The following NAV1 variants were observed in gnomAD, a reference collection of about 807,000 sequenced individuals.
NAV1 encodes pore membrane and/or filament interacting like protein 3.
A neutral mutation model predicts 175.2 loss-of-function variants in NAV1; 18 were observed. The ratio of observed to expected loss-of-function variants is 0.10; its 90% confidence interval spans 0.07 to 0.15. The LOEUF is 0.15. Ranked by LOEUF, NAV1 falls within the 10% of genes least tolerant of loss-of-function variation. The pLI is 1.00. For missense variants in NAV1, 1,731 were observed against 2,436.6 expected (o/e 0.71, Z 6.10); for synonymous variants, 897 against 978.7 (o/e 0.92, Z 1.56).
chr1:201,593,098 G>A (rs73084514), intron 2 of NAV1, among the ~76,000 whole-genome samples: 5,027 of 152,276 alleles, frequency 0.033, 272 homozygotes, highest in African/African-American at 0.11. Context: ...TCTGGCAGGT[G>A]GAAGTTTTGA....
exon 30 of NAV1, chr1:201,822,980 C>G (rs1012342719): frequency 2.0e-5 from 3 of 152,660 alleles, no homozygotes; most frequent in Non-Finnish European, 4.4e-5. Context: ...CTACAGCATT[C>G]TCTCCCACCT....
chr1:201,672,037 C>T lies in NAV1; in HGVS notation c.757+22612C>T, dbSNP rs188157523. On this transcript the variant is annotated intron_variant, in intron 1 of 29. Transcript: ENST00000367296. ...CTCCTCTTTAGCCTGCCAAAGCTTT[C>T]CTCTCTCTTCTTCCTTCTCTACTTT... Among the ~76,000 whole-genome samples, 42 of 152,290 alleles carry T rather than the reference C, an allele frequency of 2.8e-4. No homozygotes were observed. In the East Asian group the frequency reaches 7.1e-3, roughly 26 times the overall value.
intron 7 of NAV1, among the ~76,000 whole-genome samples, chr1:201,784,238 A>G (rs60108808): frequency 0.14 from 21,516 of 152,104 alleles, 2,353 homozygotes; most frequent in African/African-American, 0.3. Flanking sequence ...GCTCACTGCA[A>G]TCTCTGCCTC....
intron 2 of NAV1, among the ~76,000 whole-genome samples, chr1:201,638,296 T>C (rs1031622284): frequency 6.6e-6 from 1 of 152,214 alleles, no homozygotes; most frequent in African/African-American, 2.4e-5. Flanking sequence ...GTCATGGGGC[T>C]GAGCTATGAA....
exon 5 of NAV1, chr1:201,781,242 C>G: frequency 1.2e-6 from 2 of 1,613,932 alleles, no homozygotes; most frequent in Non-Finnish European, 8.5e-7. Context: ...TGAAGAAGGG[C>G]AAGACCCCAC....
At chr1:201,602,091 C>A (rs867391092) in intron 2 of NAV1, among the ~76,000 whole-genome samples, 1 of 150,782 alleles carries the variant, frequency 6.6e-6, no homozygotes, top group African/African-American at 2.5e-5. Context: ...TTTTAAGGGT[C>A]TAAAATGAAA....
intron 3 of NAV1, among the ~76,000 whole-genome samples, chr1:201,720,194 C>A (rs1672321312): frequency 6.6e-6 from 1 of 152,190 alleles, no homozygotes; most frequent in South Asian, 2.1e-4. Flanking sequence ...CTGCTCCACA[C>A]AGCCTCTGCC....
intron 1 of NAV1, among the ~76,000 whole-genome samples, chr1:201,659,348 G>A (rs112592977): frequency 6.7e-4 from 102 of 152,334 alleles, no homozygotes; most frequent in African/African-American, 2.4e-3. Context: ...GAGCACAGTG[G>A]CTCACACCTG....
exon 1 of NAV1, chr1:201,648,360 T>G: frequency 2.5e-6 from 3 of 1,210,492 alleles, no homozygotes; most frequent in Non-Finnish European, 3.1e-6. Flanking sequence ...GACTGATTTT[T>G]AAATTTTAAT....
At position 201,813,085 on chromosome 1, in the gene NAV1, C is replaced by T. The variant is rs1196389395; in HGVS notation, c.5222-55C>T. ...GGTACTAAGGAGTAAAAGAGGCACA[C>T]AACCGGGAAGATCTAGGTTCCCAGC... On this transcript the variant is annotated intron_variant, in intron 27 of 29. Coordinates refer to ENST00000367296, the Ensembl canonical transcript of NAV1. The surrounding 1 kb of genome is among the most constrained non-coding windows in gnomAD (Gnocchi z 4.2). 3 of 1,306,198 alleles carry T rather than the reference C, an allele frequency of 2.3e-6. No homozygotes were observed. The highest frequency in any genetic ancestry group is 3.3e-6 in the Non-Finnish European group (3 of 906,792). 80.9% of individuals were successfully genotyped at this position (1,306,198 alleles called of 1,614,324 possible).
chr1:201,590,174 T>C (rs1007046506), intron 2 of NAV1, among the ~76,000 whole-genome samples: 1 of 152,242 alleles, frequency 6.6e-6, no homozygotes, highest in Non-Finnish European at 1.5e-5. Flanking sequence ...ATTACAGGCA[T>C]GAGCCACCAT....
intron 1 of NAV1, among the ~76,000 whole-genome samples, chr1:201,664,024 G>T (rs1669717565): frequency 6.6e-6 from 1 of 152,176 alleles, no homozygotes. Flanking sequence ...GCTCTGTGTA[G>T]CCTAAGTCAT....
intron 3 of NAV1, among the ~76,000 whole-genome samples, chr1:201,755,933 C>T (rs1156256518): frequency 5.9e-5 from 9 of 151,814 alleles, no homozygotes. Context: ...GGTGAAACCC[C>T]ATCTCTACTA....
At chr1:201,820,114 G>A in exon 30 of NAV1, 1 of 589,936 alleles carries the variant, frequency 1.7e-6, no homozygotes, top group Non-Finnish European at 2.9e-6. Context: ...AACTTCCTAG[G>A]AAGGAATGGT....
chr1:201,601,512 G>A (rs1366992162), intron 2 of NAV1, among the ~76,000 whole-genome samples: 4 of 152,138 alleles, frequency 2.6e-5, no homozygotes, highest in Admixed American at 1.3e-4. Context: ...CAGGGTGATG[G>A]TATTAGACAG....
intron 3 of NAV1, among the ~76,000 whole-genome samples, chr1:201,736,101 G>C (rs1673103780): frequency 6.6e-6 from 1 of 152,176 alleles, no homozygotes; most frequent in African/African-American, 2.4e-5. Flanking sequence ...TCACCCACAG[G>C]CCCAGAGGGA....
chr1:201,710,747 G>A (rs1671867998), intron 1 of NAV1, among the ~76,000 whole-genome samples: 3 of 152,188 alleles, frequency 2.0e-5, no homozygotes, highest in Admixed American at 2.0e-4. Flanking sequence ...CTCTCTGAGT[G>A]TCAGTTTTCT....
At chr1:201,767,108 C>T (rs551615882) in intron 3 of NAV1, among the ~76,000 whole-genome samples, 10 of 151,580 alleles carry the variant, frequency 6.6e-5, no homozygotes, top group East Asian at 2.0e-4. Context: ...TGTGAGCCAC[C>T]GCGCCTGGCC....
In NAV1 at chr1:201,785,173, G is replaced by A. The variant is rs535096103; in HGVS notation, c.2805-137G>A. ...GCTATAGTATCTCTTGGTTTCTAGA[G>A]CTAAAGCAGGTCATAGTTTGATGTC... On this transcript the variant is annotated intron_variant, in intron 7 of 29. Coordinates refer to ENST00000367296, the Ensembl canonical transcript of NAV1. 1.1e-5 allele frequency: 9 copies of A among 783,566 alleles called. No homozygotes were observed. The East Asian group carries it at 1.3e-4, about 11-fold the overall frequency. 48.5% of individuals were successfully genotyped at this position (783,566 alleles called of 1,614,324 possible).
Sources: allele counts gnomAD v4.1 joint callset (sites outside exome capture counted in the v4.1 genomes callset), GRCh38; gene constraint gnomAD v4.1.1; non-coding constraint Gnocchi (gnomAD v3.1); transcripts MANE v1.5; gene names NCBI Gene and HGNC (gene_info 2026-07-23, HGNC 2026-07-21).